Variants in NALF1 observed in about 807,000 individuals in gnomAD.
NALF1 encodes family with sequence similarity 155 member A.
Under a neutral mutation model 48.4 loss-of-function variants are expected in NALF1, and 3 were observed. The observed-to-expected ratio is 0.06, with a 90% CI of 0.03 to 0.16. NALF1 has a LOEUF of 0.16. NALF1 is among the 10% of genes least tolerant of loss of function. The probability of loss-of-function intolerance (pLI) is 1.00; values close to 1 mark genes in which losing one functional copy is unlikely to be tolerated. For synonymous variants in NALF1, 262 were observed against 245.7 expected (o/e 1.07, Z -0.62); for missense variants, 526 against 571.5 (o/e 0.92, Z 0.81).
intron 1 of NALF1, among the ~76,000 whole-genome samples, chr13:107,342,511 G>A (rs968101840): frequency 2.0e-5 from 3 of 152,132 alleles, no homozygotes; most frequent in Non-Finnish European, 4.4e-5. Flanking sequence ...CCAGAAAGCA[G>A]AGAAGAAGTG....
At chr13:107,444,559 C>T (rs1292863715) in intron 1 of NALF1, among the ~76,000 whole-genome samples, 1 of 152,026 alleles carries the variant, frequency 6.6e-6, no homozygotes, top group Non-Finnish European at 1.5e-5. Flanking sequence ...ATTTATGGCC[C>T]AGAATAAACT....
intron 1 of NALF1, among the ~76,000 whole-genome samples, chr13:107,574,723 T>C (rs968420162): frequency 6.6e-6 from 1 of 152,192 alleles, no homozygotes; most frequent in Admixed American, 6.6e-5. Context: ...CTGCAGACTT[T>C]TGGTTGATTC....
At chr13:107,641,352 G>C (rs1436388144) in intron 1 of NALF1, among the ~76,000 whole-genome samples, 3 of 152,126 alleles carry the variant, frequency 2.0e-5, no homozygotes, top group Non-Finnish European at 4.4e-5. Flanking sequence ...ACAGTAGAGA[G>C]ACAACAGTTT....
At chr13:107,290,220 A>G (rs1881593346) in intron 1 of NALF1, among the ~76,000 whole-genome samples, 1 of 152,006 alleles carries the variant, frequency 6.6e-6, no homozygotes, top group Non-Finnish European at 1.5e-5. Flanking sequence ...TTTTGCCACA[A>G]ATTATGTTCA....
intron 1 of NALF1, among the ~76,000 whole-genome samples, chr13:107,692,675 A>G (rs545764020): frequency 2.0e-3 from 301 of 152,320 alleles, no homozygotes; most frequent in African/African-American, 6.8e-3. Context: ...ACTATGCATT[A>G]TAAGTAAAAA....
intron 1 of NALF1, among the ~76,000 whole-genome samples, chr13:107,832,026 T>C (rs1022196851): frequency 6.6e-6 from 1 of 152,156 alleles, no homozygotes; most frequent in Non-Finnish European, 1.5e-5. Flanking sequence ...TTTCATGAAG[T>C]CCATATTGTC....
At chr13:107,175,683 T>C (rs1196040537) in intron 2 of NALF1, among the ~76,000 whole-genome samples, 1 of 152,198 alleles carries the variant, frequency 6.6e-6, no homozygotes, top group Non-Finnish European at 1.5e-5. Flanking sequence ...AAGGCCATTA[T>C]TTCTTTGCCT....
intron 1 of NALF1, among the ~76,000 whole-genome samples, chr13:107,282,146 G>A (rs116244863): frequency 0.015 from 2,285 of 152,226 alleles, 65 homozygotes; most frequent in African/African-American, 0.052. Flanking sequence ...AACTTATGTG[G>A]TATAATGCAT....
At chr13:107,603,883 G>A (rs1878997737) in intron 1 of NALF1, among the ~76,000 whole-genome samples, 1 of 152,174 alleles carries the variant, frequency 6.6e-6, no homozygotes, top group South Asian at 2.1e-4. Flanking sequence ...TGAGGAGATT[G>A]TTCCACTTTG....
chr13:107,795,804 A>C (rs1235506882), intron 1 of NALF1, among the ~76,000 whole-genome samples: 2 of 152,180 alleles, frequency 1.3e-5, no homozygotes, highest in Admixed American at 1.3e-4. Flanking sequence ...CTTGAACATA[A>C]AAGAAATTAT....
At chr13:107,479,176 C>T (rs1885216428) in intron 1 of NALF1, among the ~76,000 whole-genome samples, 1 of 152,110 alleles carries the variant, frequency 6.6e-6, no homozygotes, top group African/African-American at 2.4e-5. Flanking sequence ...TCCCACTGTC[C>T]TCTCTCCCTG....
chr13:107,560,339 AATG>A (rs1248455008), intron 1 of NALF1, among the ~76,000 whole-genome samples: 1 of 152,042 alleles, frequency 6.6e-6, no homozygotes, highest in African/African-American at 2.4e-5. Context: ...CAGAGAGAAA[AATG>A]ATAAACCACT....
chr13:107,703,489 G>T (rs1287839329), intron 1 of NALF1, among the ~76,000 whole-genome samples: 1 of 151,472 alleles, frequency 6.6e-6, no homozygotes, highest in Non-Finnish European at 1.5e-5. Context: ...GGGGTTACAG[G>T]ATTACAGGTG....
intron 1 of NALF1, among the ~76,000 whole-genome samples, chr13:107,274,260 G>A (rs575251989): frequency 3.3e-5 from 5 of 152,094 alleles, no homozygotes; most frequent in East Asian, 1.9e-4. Flanking sequence ...CTGTGGTAAC[G>A]CAACTGTAAC....
intron 1 of NALF1, among the ~76,000 whole-genome samples, chr13:107,271,814 A>T (rs3072806): frequency 0.58 from 59,423 of 102,654 alleles, 16,380 homozygotes; most frequent in South Asian, 0.7. Context: ...ATATATATAT[A>T]TATTTATATA....
chr13:107,565,948 A>G, intron 1 of NALF1, among the ~76,000 whole-genome samples: 1 of 152,212 alleles, frequency 6.6e-6, no homozygotes, highest in East Asian at 1.9e-4. Flanking sequence ...AAATGTTCCC[A>G]GTCCCCAAAG....
intron 1 of NALF1, among the ~76,000 whole-genome samples, chr13:107,588,228 G>A (rs1172814651): frequency 6.6e-6 from 1 of 152,110 alleles, no homozygotes; most frequent in Non-Finnish European, 1.5e-5. Context: ...AAAGAACAAA[G>A]AGCCTTAACA....
intron 1 of NALF1, among the ~76,000 whole-genome samples, chr13:107,632,604 C>G (rs1214061518): frequency 6.6e-6 from 1 of 152,088 alleles, no homozygotes; most frequent in Non-Finnish European, 1.5e-5. Flanking sequence ...CCAATTATCT[C>G]TGTAGACTAA....
rs537796104 is a variant in NALF1 at position 107,213,331 on chromosome 13, C to T, written c.916-2576G>A. Among the ~76,000 whole-genome samples, 4 of 149,842 alleles carry T rather than the reference C, an allele frequency of 2.7e-5. No individual in the cohort carries two copies. The South Asian group carries it at 8.5e-4, about 32-fold the overall frequency. ...GTAGTTAGTTATGAAGAAAAGTGAT[C>T]GAGCATCATTTGCAAAGCCGCCGGC... On this transcript the variant is annotated intron_variant, in intron 1 of 2. Coordinates refer to ENST00000375915, the MANE Select transcript of NALF1 (RefSeq NM_001080396.3).
Sources: gnomAD v4.1 joint callset for allele counts (sites outside exome capture counted in the v4.1 genomes callset) on GRCh38, gnomAD v4.1.1 for gene constraint, MANE v1.5 for transcripts, NCBI Gene and HGNC (gene_info 2026-07-23, HGNC 2026-07-21) for gene names.